Variants in KIAA2012 observed in about 807,000 individuals in gnomAD.
The protein encoded by KIAA2012 is KIAA2012.
A neutral mutation model predicts 150.6 loss-of-function variants in KIAA2012; 125 were observed. The observed-to-expected ratio is 0.83, with a 90% confidence interval of 0.72 to 0.96. KIAA2012 has a LOEUF of 0.96. Among genes scored for constraint, KIAA2012 ranks in the 40% least tolerant of loss-of-function variants. The pLI, the probability that KIAA2012 is intolerant of heterozygous loss-of-function variation, is 0.00. For missense variants in KIAA2012, 1,219 were observed against 1,354.9 expected, an observed-to-expected ratio of 0.90 and a Z score of 1.57; for synonymous variants, 462 against 504.7, an observed-to-expected ratio of 0.92 and a Z score of 1.13.
intron 13 of KIAA2012, among the ~76,000 whole-genome samples, chr2:202,152,223 A>C (rs1445402901): frequency 6.6e-6 from 1 of 152,222 alleles, no homozygotes; most frequent in Admixed American, 6.5e-5. Flanking sequence ...GAGCAAAAAC[A>C]GTACTTCACA....
intron 1 of KIAA2012, 123 bp from the exon 2 acceptor site, chr2:202,074,760 TCCATAACA>T (rs1342580342): frequency 1.1e-6 from 1 of 920,678 alleles, no homozygotes; most frequent in Non-Finnish European, 1.6e-6. Flanking sequence ...GCAATTGTGT[TCCATAACA>T]CCATGTGAAC....
intron 2 of KIAA2012, among the ~76,000 whole-genome samples, chr2:202,084,752 T>C (rs1018112454): frequency 6.6e-6 from 1 of 152,140 alleles, no homozygotes; most frequent in South Asian, 2.1e-4. Context: ...GAGAAGAGGG[T>C]GGGTGCCAGA....
chr2:202,105,935 C>A, intron 9 of KIAA2012, 25 bp downstream of exon 9: 1 of 1,550,854 alleles, frequency 6.4e-7, no homozygotes, highest in Non-Finnish European at 8.7e-7. Context: ...CCTCCAGCAT[C>A]CCTCGGGAAC....
intron 10 of KIAA2012, among the ~76,000 whole-genome samples, chr2:202,112,452 C>G (rs78171595): frequency 1.3e-5 from 2 of 152,168 alleles, no homozygotes; most frequent in Admixed American, 1.3e-4. Flanking sequence ...CTGAGTTCTG[C>G]GAGCTGTCCT....
At chr2:202,128,805 G>A (rs1690857966) in intron 12 of KIAA2012, among the ~76,000 whole-genome samples, 1 of 151,544 alleles carries the variant, frequency 6.6e-6, no homozygotes, top group African/African-American at 2.4e-5. Context: ...TAAGCATAGG[G>A]TGCCTCTTTC....
chr2:202,202,811 T>C (rs866593618), intron 23 of KIAA2012, among the ~76,000 whole-genome samples: 2 of 151,752 alleles, frequency 1.3e-5, no homozygotes, highest in African/African-American at 4.8e-5. Context: ...GTGCCTGTAA[T>C]CCCAGCTACT....
chr2:202,097,643 G>A (rs1300257567), intron 5 of KIAA2012, 66 bp downstream of exon 5: 8 of 1,508,958 alleles, frequency 5.3e-6, no homozygotes, highest in Non-Finnish European at 7.1e-6. Context: ...AGGCTAGAGT[G>A]CAATGGCAGA....
At chr2:202,127,767 T>TGGAG (rs1042938298) in intron 12 of KIAA2012, among the ~76,000 whole-genome samples, 1 of 152,232 alleles carries the variant, frequency 6.6e-6, no homozygotes, top group Non-Finnish European at 1.5e-5. Context: ...TCCCTCTGCC[T>TGGAG]GGAGCACAGT....
chr2:202,158,822 G>T (rs1383406913), intron 14 of KIAA2012, among the ~76,000 whole-genome samples: 2 of 152,162 alleles, frequency 1.3e-5, no homozygotes, highest in Non-Finnish European at 2.9e-5. Flanking sequence ...GTTAGGTCAT[G>T]GTAGTAGGGA....
intron 11 of KIAA2012, among the ~76,000 whole-genome samples, chr2:202,120,357 T>C (rs1476415026): frequency 6.6e-6 from 1 of 152,062 alleles, no homozygotes; most frequent in African/African-American, 2.4e-5. Context: ...GCCTAGGTAA[T>C]AGAGTGAGAC....
chr2:202,096,968 GC>G (rs1470839704), intron 4 of KIAA2012, among the ~76,000 whole-genome samples: 6 of 152,170 alleles, frequency 3.9e-5, no homozygotes, highest in African/African-American at 1.4e-4. Context: ...CAAGTAAAGA[GC>G]CAGGAGATAG....
intron 15 of KIAA2012, among the ~76,000 whole-genome samples, chr2:202,184,113 C>A (rs1218132879): frequency 1.3e-5 from 2 of 152,156 alleles, no homozygotes; most frequent in East Asian, 3.9e-4. Context: ...TGGCTGAGCG[C>A]AGTGGCTCAC....
chr2:202,172,488 T>C (rs1260873123), intron 15 of KIAA2012, among the ~76,000 whole-genome samples: 3 of 152,236 alleles, frequency 2.0e-5, no homozygotes, highest in Non-Finnish European at 4.4e-5. Flanking sequence ...ATATTATGGA[T>C]GAAGAAACCT....
In KIAA2012 at chr2:202,106,440, C is replaced by T. The variant is rs559576647; in HGVS notation, c.1474+530C>T. Among the ~76,000 whole-genome samples, 3 of 152,222 alleles carry T rather than the reference C, an allele frequency of 2.0e-5. No individual in the cohort carries two copies. In the East Asian group the frequency reaches 5.8e-4, roughly 29 times the overall value. The stretch of plus-strand genomic sequence containing the variant: ...GTGGCTCATGCCTATAATCCCAGCA[C>T]TTTGGGAGGCTGAGGTGGGCGGGGA... On this transcript the variant is annotated intron_variant, in intron 9 of 23. Transcript: ENST00000498697.
intron 13 of KIAA2012, among the ~76,000 whole-genome samples, chr2:202,139,605 C>T (rs1309477272): frequency 6.6e-6 from 1 of 152,212 alleles, no homozygotes; most frequent in Non-Finnish European, 1.5e-5. Flanking sequence ...CTGAGCTGGG[C>T]TCTGAGGTAG....
At chr2:202,090,117 T>A (rs1327791546) in intron 2 of KIAA2012, among the ~76,000 whole-genome samples, 1 of 152,218 alleles carries the variant, frequency 6.6e-6, no homozygotes. Context: ...ATCACTTAAG[T>A]GGTTGTAGTA....
chr2:202,171,889 G>A (rs542599325), intron 15 of KIAA2012, among the ~76,000 whole-genome samples: 1 of 105,468 alleles, frequency 9.5e-6, no homozygotes, highest in South Asian at 3.1e-4. Flanking sequence ...TTACTCTGTT[G>A]CCCAGGCTTG....
chr2:202,132,731 A>ATATATGTG (rs1690970380), intron 12 of KIAA2012, among the ~76,000 whole-genome samples: 2 of 93,446 alleles, frequency 2.1e-5, no homozygotes, highest in African/African-American at 4.5e-5. Flanking sequence ...TATATATAGT[A>ATATATGTG]TATATGTATA....
chr2:202,159,175 A>G (rs35392677), intron 14 of KIAA2012, among the ~76,000 whole-genome samples: 7 of 152,144 alleles, frequency 4.6e-5, no homozygotes, highest in African/African-American at 7.2e-5. Context: ...ACAGGAAAAT[A>G]ATGCTTGGCT....
Sources: gnomAD v4.1 joint callset for allele counts (sites outside exome capture counted in the v4.1 genomes callset) on GRCh38, gnomAD v4.1.1 for gene constraint, MANE v1.5 for transcripts, NCBI Gene and HGNC (gene_info 2026-07-23, HGNC 2026-07-21) for gene names.